The following SNX15 variants were observed in gnomAD, a reference collection of about 807,000 sequenced individuals.
SNX15 encodes the protein sorting nexin-15.
A neutral mutation model predicts 35.2 loss-of-function variants in SNX15; 29 were observed. That is an observed-to-expected ratio of 0.82 (90% confidence interval 0.61 to 1.12). SNX15 has a LOEUF of 1.12. Ranked by LOEUF, SNX15 falls within the 50% of genes most tolerant of loss-of-function variation. The pLI is 0.00. For synonymous variants in SNX15, 189 were observed against 188.2 expected (o/e 1.00, Z -0.03); for missense variants, 400 against 451.5 (o/e 0.89, Z 1.03).
At chr11:65,033,659 C>G (rs1331856716) in intron 3 of SNX15, among the ~76,000 whole-genome samples, 1 of 151,696 alleles carries the variant, frequency 6.6e-6, no homozygotes, top group Non-Finnish European at 1.5e-5. Flanking sequence ...TGACCAGTTG[C>G]TTGGGTCTGC....
At chr11:65,031,155 G>T (rs1946435619) in intron 1 of SNX15, among the ~76,000 whole-genome samples, 2 of 152,182 alleles carry the variant, frequency 1.3e-5, no homozygotes, top group Admixed American at 1.3e-4. Context: ...AAGTAGCTGG[G>T]ACTACAGGTG....
chr11:65,030,349 A>G (rs995210471), intron 1 of SNX15, among the ~76,000 whole-genome samples: 11 of 151,104 alleles, frequency 7.3e-5, no homozygotes, highest in African/African-American at 2.4e-4. Flanking sequence ...GTGAGACTCC[A>G]TCTCAAAAAA....
intron 3 of SNX15, among the ~76,000 whole-genome samples, chr11:65,034,509 T>C (rs2136934469): frequency 6.6e-6 from 1 of 152,364 alleles, no homozygotes; most frequent in African/African-American, 2.4e-5. Context: ...ATCAAAGCCA[T>C]CAGAAATGCT....
In SNX15 at chr11:65,034,865, T is replaced by G. The variant is rs199893726; in HGVS notation, c.275T>G (p.Val92Gly). Residue 92 changes from valine to glycine, a missense_variant, in exon 4 of 8, where the codon GTG becomes GGG. Val to Gly is a moderately radical substitution (Grantham distance 109, BLOSUM62 -3). Transcript: ENST00000377244. Reference protein sequence around the residue: ...AQVFGRFEASVIEERRKGAED... With the variant: ...AQVFGRFEASGIEERRKGAED... ...GCCGTAGGCCGGTTTGAAGCCTCAGTGATCGAGGAGCGGCGAAAGGGGGCA... is the reference window on the plus strand; with the variant it reads ...GCCGTAGGCCGGTTTGAAGCCTCAGGGATCGAGGAGCGGCGAAAGGGGGCA... 2.5e-4 allele frequency: 410 copies of G among 1,614,016 alleles called. No homozygotes were observed. Among genetic ancestry groups the G allele is most frequent in the South Asian group, 5.6e-4 (51 of 91,080 alleles).
At position 65,027,641 on chromosome 11, in the gene SNX15, G is replaced by C; in HGVS notation, c.99+5G>C. 1 of 1,609,382 alleles carries C rather than the reference G, an allele frequency of 6.2e-7. No individual in the cohort carries two copies. The highest frequency in any genetic ancestry group is 8.5e-7 in the Non-Finnish European group (1 of 1,175,744). On this transcript the variant is annotated splice_donor_5th_base_variant and intron_variant, in intron 1 of 7. Coordinates refer to ENST00000377244, the MANE Select transcript of SNX15 (RefSeq NM_013306.5). ...GAGTACAAAGTAACCGCGCAGGTGA[G>C]GTGGGGCCCAGCGCGTACTTTACCC...
At chr11:65,035,485 G>A (rs1269376243) in intron 5 of SNX15, 35 bp from the exon 6 acceptor site, 9 of 1,546,056 alleles carry the variant, frequency 5.8e-6, no homozygotes, top group African/African-American at 1.4e-5. Flanking sequence ...AGAAATAAAC[G>A]CAGGTATTCA....
intron 1 of SNX15, among the ~76,000 whole-genome samples, chr11:65,028,781 G>A (rs1946404374): frequency 6.6e-6 from 1 of 150,976 alleles, no homozygotes; most frequent in African/African-American, 2.4e-5. Context: ...GCAAGGAACT[G>A]TAACCTTTTA....
chr11:65,039,970 G>T lies in SNX15; in HGVS notation c.*178G>T. On this transcript the variant is annotated 3_prime_UTR_variant, in exon 8 of 8. Coordinates refer to ENST00000377244, the MANE Select transcript of SNX15 (RefSeq NM_013306.5). The stretch of plus-strand genomic sequence containing the variant: ...CTCCCTGATTACACCTGCCACCTTG[G>T]AATCAAGGACTCACACTTCTGACCC... 9.1e-6 allele frequency: 5 copies of T among 549,644 alleles called. No homozygotes were observed. In the South Asian group the frequency reaches 9.9e-5, roughly 11 times the overall value. 34.0% of individuals were successfully genotyped at this position (549,644 alleles called of 1,614,324 possible).
In SNX15 at chr11:65,038,801, C is replaced by T. The variant is rs749639550; in HGVS notation, c.894C>T (p.Gly298=). The T allele has an allele frequency of 8.2e-6, 13 of 1,592,480 alleles. No individual in the cohort carries two copies. Among genetic ancestry groups the T allele is most frequent in the South Asian group, 1.1e-5 (1 of 87,682 alleles). The change falls in exon 7 of 8, where the codon GGC becomes GGT. Residue 298 remains glycine, a synonymous_variant. Coordinates refer to ENST00000377244, the MANE Select transcript of SNX15 (RefSeq NM_013306.5). ...YAAALQGYRD[G]VHVLLQGVPS... is the part of the protein sequence containing the mutation. Reference sequence around the variant, plus strand: ...CTGCACTCCAGGGCTATCGAGACGGCGTGCACGTCTTGCTTCAGGGAGTCC... The same window carrying T: ...CTGCACTCCAGGGCTATCGAGACGGTGTGCACGTCTTGCTTCAGGGAGTCC...
intron 6 of SNX15, 37 bp downstream of exon 6, chr11:65,035,700 G>A: frequency 6.4e-7 from 1 of 1,569,306 alleles, no homozygotes; most frequent in African/African-American, 1.4e-5. Context: ...AGCCAGGGCA[G>A]GACGTCCTTG....
intron 6 of SNX15, 152 bp downstream of exon 6, chr11:65,035,815 A>G (rs1946496063): frequency 5.5e-6 from 4 of 728,382 alleles, no homozygotes; most frequent in East Asian, 3.0e-5. Flanking sequence ...AGCAGCTTCA[A>G]TGAGAATTAG....
At chr11:65,031,153 G>A (rs758814092) in intron 1 of SNX15, among the ~76,000 whole-genome samples, 13 of 152,162 alleles carry the variant, frequency 8.5e-5, no homozygotes, top group Non-Finnish European at 1.3e-4. Flanking sequence ...CTAAGTAGCT[G>A]GGACTACAGG....
chr11:65,031,679 G>A (rs1359133656), intron 1 of SNX15, among the ~76,000 whole-genome samples: 1 of 152,168 alleles, frequency 6.6e-6, no homozygotes, highest in African/African-American at 2.4e-5. Context: ...TGAGGCGGGC[G>A]GATCACTTGA....
At chr11:65,032,107 G>A (rs1946445944) in intron 1 of SNX15, 61 bp from the exon 2 acceptor site, 1 of 1,558,066 alleles carries the variant, frequency 6.4e-7, no homozygotes, top group Admixed American at 1.7e-5. Context: ...GGGCATTACA[G>A]GGTGAGAGGG....
At position 65,035,664 on chromosome 11, in the gene SNX15, G is replaced by A. The variant is rs764234509; in HGVS notation, c.664+1G>A. 6.2e-7 allele frequency: 1 copy of A among 1,600,780 alleles called. No individual in the cohort carries two copies. ...CTCTTCGACCCCTTCTCCAAGGAAG[G>A]TAATGAGCTGGGACAGCCGGGAAGG... On this transcript the variant is annotated splice_donor_variant, in intron 6 of 7. Coordinates refer to ENST00000377244, the MANE Select transcript of SNX15 (RefSeq NM_013306.5). LOFTEE classifies it high-confidence loss of function.
chr11:65,031,174 C>T (rs1406240471), intron 1 of SNX15, among the ~76,000 whole-genome samples: 1 of 152,078 alleles, frequency 6.6e-6, no homozygotes, highest in Non-Finnish European at 1.5e-5. Flanking sequence ...TGTGTCACGC[C>T]ACCACACCCA....
chr11:65,034,947 C>T lies in SNX15; in HGVS notation c.357C>T (p.Leu119=). The T allele has an allele frequency of 6.2e-7, 1 of 1,614,062 alleles. No homozygotes were observed. Among genetic ancestry groups the T allele is most frequent in the Non-Finnish European group, 8.5e-7 (1 of 1,179,968 alleles). ...HIPALNNSPQ[L]KEFFRGGEVT... The stretch of plus-strand genomic sequence containing the variant: ...CTGCGCTCAACAACAGCCCCCAGCT[C>T]AAGGAGTTCTTCCGGGTATGTGCAC... The change falls in exon 4 of 8, where the codon CTC becomes CTT. Residue 119 remains leucine (L), a synonymous_variant. Coordinates refer to ENST00000377244, the MANE Select transcript of SNX15 (RefSeq NM_013306.5).
At position 65,032,551 on chromosome 11, in the gene SNX15, G is replaced by T; in HGVS notation, c.256G>T (p.Gly86Cys). ...FPAFPRAQVF[G>C]RFEASVIEER... Reference sequence around the variant, plus strand: ...TGCTTTCCCCCGGGCCCAGGTGTTTGGTGAGTGTTAGATTGGGGCACTCGG... The same window carrying T: ...TGCTTTCCCCCGGGCCCAGGTGTTTTGTGAGTGTTAGATTGGGGCACTCGG... The change falls in exon 3 of 8, where the codon GGC becomes TGC. Residue 86 changes from glycine to cysteine, a missense_variant and splice_region_variant. By Grantham distance (159) the Gly-to-Cys change is radical. Coordinates refer to ENST00000377244, the MANE Select transcript of SNX15 (RefSeq NM_013306.5). 6.2e-7 allele frequency: 1 copy of T among 1,614,088 alleles called. No individual in the cohort carries two copies.
intron 6 of SNX15, 146 bp downstream of exon 6, chr11:65,035,809 G>A (rs868303157): frequency 1.3e-6 from 1 of 755,956 alleles, no homozygotes; most frequent in Non-Finnish European, 2.0e-6. Context: ...GCCAATAGCA[G>A]CTTCAATGAG....
Sources: allele counts gnomAD v4.1 joint callset (sites outside exome capture counted in the v4.1 genomes callset), GRCh38; gene constraint gnomAD v4.1.1; transcripts MANE v1.5; gene names NCBI Gene and HGNC (gene_info 2026-07-23, HGNC 2026-07-21).